Variants in ANLN observed in about 807,000 individuals in gnomAD.
ANLN encodes anillin.
In ANLN, 59 loss-of-function variants were observed where a neutral mutation model predicts 135.1. The observed-to-expected ratio is 0.44, with a 90% confidence interval of 0.35 to 0.54. ANLN has a LOEUF of 0.54. Ranked by LOEUF, ANLN falls within the 20% of genes least tolerant of loss-of-function variation. The pLI, the probability that ANLN is intolerant of heterozygous loss-of-function variation, is 0.00. For missense variants in ANLN, 1,182 were observed against 1,340.0 expected (o/e 0.88, Z 1.84); for synonymous variants, 406 against 456.4 (o/e 0.89, Z 1.41).
chr7:36,407,719 G>A lies in ANLN; in HGVS notation c.874-15G>A, dbSNP rs1787246852. ...ATTGTGAATGTTGTTTACCCTAAGT[G>A]TTTTCATGTTTCAGAAAGCTACTTC... On this transcript the variant is annotated splice_polypyrimidine_tract_variant and intron_variant, in intron 4 of 23. Coordinates refer to ENST00000265748, the MANE Select transcript of ANLN (RefSeq NM_018685.5). 1 of 1,569,830 alleles carries A rather than the reference G, an allele frequency of 6.4e-7. No homozygotes were observed. The highest frequency in any genetic ancestry group is 1.1e-5 in the South Asian group (1 of 89,634).
chr7:36,433,893 G>T (rs1262889562), intron 20 of ANLN, among the ~76,000 whole-genome samples: 1 of 151,608 alleles, frequency 6.6e-6, no homozygotes, highest in East Asian at 1.9e-4. Context: ...CAATTTCTCT[G>T]CTGAAGTTCT....
chr7:36,428,680 A>G (rs1021453688), intron 20 of ANLN, among the ~76,000 whole-genome samples: 2 of 152,160 alleles, frequency 1.3e-5, no homozygotes, highest in East Asian at 3.9e-4. Flanking sequence ...GTACAATTAG[A>G]ATACCAATTA....
In ANLN at chr7:36,409,040, GTTA is replaced by G. The variant is rs112733877; in HGVS notation, c.1096+1086_1096+1088del. Among the ~76,000 whole-genome samples the G allele has an allele frequency of 2.1e-3, 321 of 152,270 alleles. 1 individual carries two copies. The highest frequency in any genetic ancestry group is 7.2e-3 in the African/African-American group (301 of 41,536). ...AAACAGAAATGAGAGTGGGGAAGCGGTTATGGGGTAGGTAGAAATCTGCAATTT... is the reference window on the plus strand; with the variant it reads ...AAACAGAAATGAGAGTGGGGAAGCGGTGGGGTAGGTAGAAATCTGCAATTT... On this transcript the variant is annotated intron_variant, in intron 5 of 23. Coordinates refer to ENST00000265748, the MANE Select transcript of ANLN (RefSeq NM_018685.5).
intron 20 of ANLN, 64 bp from the exon 21 acceptor site, chr7:36,439,140 G>C: frequency 1.1e-6 from 1 of 931,182 alleles, no homozygotes; most frequent in Non-Finnish European, 1.7e-6. Flanking sequence ...ATTTATACAT[G>C]ATTTATCAAG....
intron 20 of ANLN, among the ~76,000 whole-genome samples, chr7:36,437,570 AT>A (rs1788595659): frequency 6.6e-6 from 1 of 152,032 alleles, no homozygotes; most frequent in South Asian, 2.1e-4. Flanking sequence ...GCTGGGTTAT[AT>A]GGTAGTTTTA....
chr7:36,412,324 TA>T (rs1404885273), intron 7 of ANLN, among the ~76,000 whole-genome samples: 2,270 of 113,876 alleles, frequency 0.02, 25 homozygotes, highest in Non-Finnish European at 0.028. Context: ...TATATATATA[TA>T]TATTTTTTTT....
intron 20 of ANLN, among the ~76,000 whole-genome samples, chr7:36,437,230 T>C (rs1788583121): frequency 6.6e-6 from 1 of 152,338 alleles, no homozygotes; most frequent in Middle Eastern, 3.4e-3. Context: ...ATGTTGCTTT[T>C]CAGCCTTTTG....
At chr7:36,443,912 G>A (rs1159974476) in intron 22 of ANLN, 50 bp downstream of exon 22, 2 of 1,312,514 alleles carry the variant, frequency 1.5e-6, no homozygotes, top group African/African-American at 1.5e-5. Context: ...TGACTTTCGT[G>A]TAGTGTTCAT....
intron 5 of ANLN, among the ~76,000 whole-genome samples, chr7:36,409,601 A>G (rs1651978960): frequency 1.3e-5 from 2 of 152,064 alleles, no homozygotes; most frequent in African/African-American, 2.4e-5. Context: ...TATAGGCCCA[A>G]TTTGCCCTAC....
At chr7:36,396,506 G>T (rs1786706912) in intron 2 of ANLN, 87 bp downstream of exon 2, 1 of 1,333,090 alleles carries the variant, frequency 7.5e-7, no homozygotes, top group East Asian at 2.5e-5. Flanking sequence ...GCATATAGAA[G>T]AACCAAGCTC....
chr7:36,437,692 T>C (rs143448163), intron 20 of ANLN, among the ~76,000 whole-genome samples: 1 of 152,160 alleles, frequency 6.6e-6, no homozygotes, highest in African/African-American at 2.4e-5. Context: ...TGGTATCATA[T>C]CTGAAAATCC....
At position 36,396,324 on chromosome 7, in the gene ANLN, G is replaced by A; in HGVS notation, c.77G>A (p.Arg26Lys). Residue 26 changes from arginine (R) to lysine (K), a missense_variant, in exon 2 of 24, where the codon AGG becomes AAG. Around this residue, in one of 3 missense-constraint regions of ANLN, gnomAD observed 1,022 missense variants for 1,134.0 expected, o/e 0.90. Coordinates refer to ENST00000265748, the MANE Select transcript of ANLN (RefSeq NM_018685.5). Reference protein sequence around the residue: ...RENLQRKMAERPTAAPRSMTH... With the variant: ...RENLQRKMAEKPTAAPRSMTH... ...AATCTTCAGAGAAAAATGGCTGAGA[G>A]GCCCACAGCAGCTCCAAGGTCTATG... The A allele has an allele frequency of 6.2e-7, 1 of 1,606,916 alleles. No individual in the cohort carries two copies. The highest frequency in any genetic ancestry group is 1.1e-5 in the South Asian group (1 of 90,440).
intron 3 of ANLN, among the ~76,000 whole-genome samples, chr7:36,404,673 A>G (rs760780332): frequency 3.3e-5 from 5 of 152,200 alleles, no homozygotes; most frequent in African/African-American, 7.2e-5. Context: ...TCTCTTAGGC[A>G]TATCTGAATT....
intron 20 of ANLN, among the ~76,000 whole-genome samples, chr7:36,429,357 A>G (rs1457210566): frequency 6.6e-6 from 1 of 152,018 alleles, no homozygotes; most frequent in African/African-American, 2.4e-5. Context: ...AGTAGCTGGG[A>G]TTACAGGCGT....
rs767994234 is a variant in ANLN, at chr7:36,406,488, C to T, written c.795C>T (p.Gly265=). The change falls in exon 4 of 24, where the codon GGC becomes GGT. Residue 265 remains glycine (G), a synonymous_variant. Coordinates refer to ENST00000265748, the MANE Select transcript of ANLN (RefSeq NM_018685.5). The part of the protein sequence containing the change: ...QEATFCSQRD[G]DASLNKALSS... ...CTACATTCTGTTCCCAAAGGGATGG[C>T]GATGCCTCTTTGAATAAAGCCCTAT... 8.8e-6 allele frequency: 14 copies of T among 1,593,804 alleles called. No homozygotes were observed. Among genetic ancestry groups the T allele is most frequent in the Middle Eastern group, 1.7e-4 (1 of 6,000 alleles).
At chr7:36,390,370 T>A (rs369663605) in intron 1 of ANLN, 2 of 390,548 alleles carry the variant, frequency 5.1e-6, no homozygotes, top group Non-Finnish European at 9.4e-6. Flanking sequence ...GGCGCAGGCC[T>A]GCGGAACGGG....
At chr7:36,447,276 T>C (rs959406829) in intron 22 of ANLN, among the ~76,000 whole-genome samples, 1 of 152,170 alleles carries the variant, frequency 6.6e-6, no homozygotes, top group African/African-American at 2.4e-5. Flanking sequence ...TCTCTCCTTA[T>C]TAAGTTGAAG....
intron 4 of ANLN, 141 bp from the exon 5 acceptor site, chr7:36,407,593 G>A (rs1208514127): frequency 1.6e-6 from 1 of 632,986 alleles, no homozygotes; most frequent in Admixed American, 3.3e-5. Flanking sequence ...AAATTTGTTT[G>A]ATCTATTAGA....
chr7:36,394,243 T>C (rs1286795694), intron 1 of ANLN, among the ~76,000 whole-genome samples: 1 of 152,214 alleles, frequency 6.6e-6, no homozygotes, highest in Non-Finnish European at 1.5e-5. Flanking sequence ...ATGATCTCTA[T>C]TTAACATTAA....
Sources: allele counts gnomAD v4.1 joint callset (sites outside exome capture counted in the v4.1 genomes callset), GRCh38; gene constraint gnomAD v4.1.1; regional missense constraint gnomAD v4.1.1; transcripts MANE v1.5; gene names NCBI Gene and HGNC (gene_info 2026-07-23, HGNC 2026-07-21).